Variants in PCDHA1 observed in about 807,000 individuals in gnomAD.
PCDHA1 encodes the protein protocadherin alpha 1, also known as protocadherin alpha-1.
PCDHA1 carries 42 observed loss-of-function variants against 61.3 expected under a neutral mutation model. The observed-to-expected ratio is 0.69, with a 90% CI of 0.54 to 0.89. The LOEUF is 0.89. Ranked by LOEUF, PCDHA1 falls within the 40% of genes least tolerant of loss-of-function variation. The pLI is 0.00. For synonymous variants in PCDHA1, 610 were observed against 553.8 expected (o/e 1.10, Z -1.43); for missense variants, 1,256 against 1,235.3 (o/e 1.02, Z -0.25).
chr5:140,877,178 C>T (rs370071106), intron 1 of PCDHA1: 2 of 1,613,794 alleles, frequency 1.2e-6, no homozygotes, highest in South Asian at 2.2e-5. Context: ...CTGGCGACTC[C>T]GGCTGGCAGC....
intron 2 of PCDHA1, among the ~76,000 whole-genome samples, chr5:140,980,886 C>T (rs2096909899): frequency 6.6e-6 from 1 of 152,062 alleles, no homozygotes; most frequent in South Asian, 2.1e-4. Context: ...TCGGTCTTTC[C>T]AGTCTTGGAC....
intron 1 of PCDHA1, 122 bp downstream of exon 1, chr5:140,788,806 A>C: frequency 7.0e-7 from 1 of 1,429,422 alleles, no homozygotes; most frequent in Middle Eastern, 2.4e-4. Context: ...AATAAATCAT[A>C]CCATTGAATG....
intron 1 of PCDHA1, chr5:140,857,068 G>A (rs2044345750): frequency 1.3e-6 from 2 of 1,596,170 alleles, no homozygotes; most frequent in Admixed American, 3.4e-5. Context: ...TGGAACTACT[G>A]GATGAAAATG....
chr5:140,908,824 C>T (rs1199416548), intron 1 of PCDHA1, among the ~76,000 whole-genome samples: 1 of 152,082 alleles, frequency 6.6e-6, no homozygotes, highest in African/African-American at 2.4e-5. Flanking sequence ...TTGGGTTACT[C>T]GATAAATGGG....
chr5:140,855,965 A>G (rs2043700176), intron 1 of PCDHA1: 1 of 1,417,586 alleles, frequency 7.1e-7, no homozygotes, highest in Non-Finnish European at 9.6e-7. Flanking sequence ...AAAAATAGAT[A>G]TAAGAAATAG....
intron 1 of PCDHA1, chr5:140,851,052 C>A (rs571650734): frequency 1.4e-6 from 2 of 1,383,936 alleles, no homozygotes; most frequent in Admixed American, 2.8e-5. Context: ...CCGACTTTGT[C>A]TTGACTTCTA....
At chr5:140,797,578 T>G in intron 1 of PCDHA1, 1 of 623,802 alleles carries the variant, frequency 1.6e-6, no homozygotes, top group Middle Eastern at 4.4e-4. Context: ...CTTCCATCAT[T>G]AAGTCATAAG....
chr5:140,787,595 G>C lies in PCDHA1; in HGVS notation c.1305G>C (p.Leu435=), dbSNP rs2149895737. 6.2e-7 allele frequency: 1 copy of C among 1,614,136 alleles called. No individual in the cohort carries two copies. The highest frequency in any genetic ancestry group is 2.2e-5 in the East Asian group (1 of 44,880). ...CGCGGGACGGGGGCTCGCCTTCGCT[G>C]TGGGCCACGGCCAGGGTGTCCGTGG... ...VTARDGGSPS[L]WATARVSVEV... The change falls in exon 1 of 4, where the codon CTG becomes CTC. Residue 435 remains leucine (L), a synonymous_variant. Transcript: ENST00000504120.
In PCDHA1 at chr5:140,912,343, A is replaced by T. The variant is rs547543923; in HGVS notation, c.2395-66606A>T. Among the ~76,000 whole-genome samples, 324 of 143,902 alleles carry T rather than the reference A, an allele frequency of 2.3e-3. 1 individual carries two copies. The highest frequency in any genetic ancestry group is 7.8e-3 in the African/African-American group (308 of 39,358). 94.4% of individuals were successfully genotyped at this position (143,902 alleles called of 152,430 possible). A position where few individuals can be genotyped will look rare whatever the true frequency, so the allele number is the denominator to read the frequency against. On this transcript the variant is annotated intron_variant, in intron 1 of 3. Transcript: ENST00000504120. ...CTCAGTATTAACCAGTACACTAAGT[A>T]TTTTTTTTTTTTTTTGCAGCTGTTG... is the stretch of plus-strand genomic sequence containing the variant.
rs1554141625 is a variant in PCDHA1 at position 140,847,005 on chromosome 5, A to G, written c.2394+58321A>G. On this transcript the variant is annotated intron_variant, in intron 1 of 3. Coordinates refer to ENST00000504120, the MANE Select transcript of PCDHA1 (RefSeq NM_018900.4). Reference sequence around the variant, plus strand: ...AGTTCCCCCCGGGAGAATATTGAGAATGATAGACATTTCTTGGAAAGAGAA... The same window carrying G: ...AGTTCCCCCCGGGAGAATATTGAGAGTGATAGACATTTCTTGGAAAGAGAA... 2.7e-5 allele frequency among the ~76,000 whole-genome samples: 4 copies of G among 149,762 alleles called. 1 individual carries two copies.
At chr5:140,997,466 T>G (rs2097771241) in intron 3 of PCDHA1, among the ~76,000 whole-genome samples, 2 of 152,186 alleles carry the variant, frequency 1.3e-5, no homozygotes, top group Admixed American at 1.3e-4. Context: ...CTGTAGGCAA[T>G]TTTTACACAA....
chr5:140,846,638 T>A (rs1554141417), intron 1 of PCDHA1, among the ~76,000 whole-genome samples: 1 of 149,216 alleles, frequency 6.7e-6, no homozygotes, highest in Non-Finnish European at 1.5e-5. Flanking sequence ...CCTCCTAAAG[T>A]GCTGGGATTA....
At chr5:140,845,037 C>T (rs1189014695) in intron 1 of PCDHA1, among the ~76,000 whole-genome samples, 2 of 149,024 alleles carry the variant, frequency 1.3e-5, no homozygotes, top group Non-Finnish European at 3.0e-5. Flanking sequence ...ATATTTTAGC[C>T]CCCTTGTCCA....
intron 1 of PCDHA1, among the ~76,000 whole-genome samples, chr5:140,818,626 C>T (rs1235638442): frequency 6.6e-6 from 1 of 152,076 alleles, no homozygotes; most frequent in African/African-American, 2.4e-5. Context: ...TGCTTGAGCC[C>T]AGGAGTTCAA....
At chr5:140,826,349 T>A (rs1350879909) in intron 1 of PCDHA1, among the ~76,000 whole-genome samples, 2 of 152,168 alleles carry the variant, frequency 1.3e-5, no homozygotes, top group African/African-American at 4.8e-5. Flanking sequence ...ACCCTTTGTT[T>A]GCCCAAAATA....
chr5:140,967,725 T>C lies in PCDHA1; in HGVS notation c.2395-11224T>C, dbSNP rs782758957. 16 of 1,613,798 alleles carry C rather than the reference T, an allele frequency of 9.9e-6. No individual in the cohort carries two copies. The East Asian group carries it at 2.0e-4, about 20-fold the overall frequency. On this transcript the variant is annotated intron_variant, in intron 1 of 3. Transcript: ENST00000504120. ...GCCAGTACCGGGGAAGTGCGAGTAA[T>C]TGGGGGGCTGGATTATGAGGAAGCC...
chr5:141,004,144 A>C (rs1451902723), intron 3 of PCDHA1, among the ~76,000 whole-genome samples: 3 of 152,250 alleles, frequency 2.0e-5, no homozygotes, highest in Non-Finnish European at 2.9e-5. Context: ...CCCCAAAGGC[A>C]TGACATTTTA....
intron 1 of PCDHA1, chr5:140,822,815 C>A: frequency 3.1e-6 from 5 of 1,614,130 alleles, no homozygotes; most frequent in Non-Finnish European, 4.2e-6. Context: ...GATAATACCC[C>A]AGAGATGGCC....
chr5:140,809,250 G>T (rs782209352), intron 1 of PCDHA1: 2 of 1,614,080 alleles, frequency 1.2e-6, no homozygotes, highest in Admixed American at 3.3e-5. Flanking sequence ...GGCGCTGTGG[G>T]TCCCGATGCT....
Sources: gnomAD v4.1 joint callset for allele counts (sites outside exome capture counted in the v4.1 genomes callset) on GRCh38, gnomAD v4.1.1 for gene constraint, MANE v1.5 for transcripts, NCBI Gene and HGNC (gene_info 2026-07-23, HGNC 2026-07-21) for gene names.